Variants in TTC39B observed in about 807,000 individuals in gnomAD.
TTC39B encodes tetratricopeptide repeat domain 39B.
A neutral mutation model predicts 96.6 loss-of-function variants in TTC39B; 92 were observed. That is an observed-to-expected ratio of 0.95 (90% confidence interval 0.80 to 1.13). TTC39B has a LOEUF of 1.13. Among genes scored for constraint, TTC39B ranks in the 50% most tolerant of loss-of-function variants. The pLI, the probability that TTC39B is intolerant of heterozygous loss-of-function variation, is 0.00. For synonymous variants in TTC39B, 367 were observed against 299.4 expected (o/e 1.23, Z -2.33); for missense variants, 955 against 809.3 (o/e 1.18, Z -2.18).
intron 2 of TTC39B, among the ~76,000 whole-genome samples, chr9:15,261,122 A>T (rs941832475): frequency 6.6e-6 from 1 of 152,190 alleles, no homozygotes; most frequent in East Asian, 1.9e-4. Context: ...GTGCCCAACC[A>T]GGACTCCCGG....
At chr9:15,208,178 C>T (rs2131337703) in intron 6 of TTC39B, among the ~76,000 whole-genome samples, 1 of 151,512 alleles carries the variant, frequency 6.6e-6, no homozygotes. Context: ...GTGTGCGCCA[C>T]CATGCCTGGC....
chr9:15,232,334 G>GT (rs1821470967), intron 2 of TTC39B: 1 of 152,642 alleles, frequency 6.6e-6, no homozygotes, highest in African/African-American at 2.4e-5. Context: ...TAACGCTATA[G>GT]TTACACCCCT....
At chr9:15,210,292 G>A in intron 5 of TTC39B, 128 bp from the exon 6 acceptor site, 2 of 625,030 alleles carry the variant, frequency 3.2e-6, no homozygotes, top group Non-Finnish European at 5.6e-6. Context: ...TCTAAACCCT[G>A]AAGTCTATAG....
intron 1 of TTC39B, among the ~76,000 whole-genome samples, chr9:15,301,504 C>T (rs1824587587): frequency 6.6e-6 from 1 of 152,186 alleles, no homozygotes; most frequent in Non-Finnish European, 1.5e-5. Context: ...CCTATAATCC[C>T]AGCACTTTGG....
chr9:15,283,908 A>T (rs1823862045), intron 1 of TTC39B, among the ~76,000 whole-genome samples: 1 of 152,192 alleles, frequency 6.6e-6, no homozygotes. Flanking sequence ...AAATAATCTT[A>T]AAACAGGGAC....
At chr9:15,223,647 T>G (rs1278117120) in intron 3 of TTC39B, among the ~76,000 whole-genome samples, 2 of 152,220 alleles carry the variant, frequency 1.3e-5, no homozygotes, top group Admixed American at 1.3e-4. Flanking sequence ...CTTCACATTA[T>G]GTTTATTCTT....
In TTC39B at chr9:15,186,692, T is replaced by C. The variant is rs1818543524; in HGVS notation, c.1487+252A>G. On this transcript the variant is annotated intron_variant, in intron 15 of 19. Transcript: ENST00000512701. The stretch of plus-strand genomic sequence containing the variant: ...GTTGATGTTGATGCTACAGTTAATA[T>C]ACATGGTTTTTTTTTGGAGACAGAG... The C allele has an allele frequency of 2.6e-5, 9 of 343,706 alleles. No individual in the cohort carries two copies. The South Asian group carries it at 3.5e-4, about 13-fold the overall frequency. 21.3% of individuals were successfully genotyped at this position (343,706 alleles called of 1,614,324 possible). A position where few individuals can be genotyped will look rare whatever the true frequency, so the allele number is the denominator to read the frequency against.
intron 1 of TTC39B, among the ~76,000 whole-genome samples, chr9:15,302,637 A>T (rs1281147270): frequency 1.3e-5 from 2 of 149,412 alleles, no homozygotes; most frequent in African/African-American, 4.9e-5. Context: ...TGAGGTCAGG[A>T]GTTCGAGACC....
chr9:15,191,801 T>C (rs1818872442), intron 9 of TTC39B, among the ~76,000 whole-genome samples: 1 of 152,180 alleles, frequency 6.6e-6, no homozygotes, highest in African/African-American at 2.4e-5. Flanking sequence ...ATTCAGGGGA[T>C]GTAGACAATG....
At position 15,223,002 on chromosome 9, in the gene TTC39B, C is replaced by T. The variant is rs79151497; in HGVS notation, c.371+2915G>A. 5.1e-3 allele frequency among the ~76,000 whole-genome samples: 769 copies of T among 151,578 alleles called. 9 individuals carry two copies. The highest frequency in any genetic ancestry group is 0.018 in the African/African-American group (718 of 40,894). ...GGTGCAGAGTCTTTCCTCATTTTTC[C>T]AGGGACCTTAACACAGTTGTTTCAA... On this transcript the variant is annotated intron_variant, in intron 3 of 19. Coordinates refer to ENST00000512701, the Ensembl canonical transcript of TTC39B.
At chr9:15,271,922 G>A (rs372454762) in intron 1 of TTC39B, among the ~76,000 whole-genome samples, 5 of 152,110 alleles carry the variant, frequency 3.3e-5, no homozygotes, top group African/African-American at 4.8e-5. Context: ...ACTTGGACCC[G>A]GAGATGGCCA....
chr9:15,165,280 G>T (rs1263895053), exon 20 of TTC39B: 2 of 152,166 alleles, frequency 1.3e-5, no homozygotes, highest in African/African-American at 4.8e-5. Flanking sequence ...CCAGGAGGCA[G>T]AGGTTGTGGT....
At chr9:15,206,427 G>C (rs1396240748) in intron 6 of TTC39B, among the ~76,000 whole-genome samples, 1 of 152,182 alleles carries the variant, frequency 6.6e-6, no homozygotes, top group Non-Finnish European at 1.5e-5. Flanking sequence ...AAGTCTGTTT[G>C]GGTTGCAGTT....
chr9:15,189,410 T>C (rs996346736), intron 13 of TTC39B, among the ~76,000 whole-genome samples, 164 bp downstream of exon 13: 6 of 151,328 alleles, frequency 4.0e-5, no homozygotes, highest in South Asian at 2.1e-4. Context: ...ATAGAATGTA[T>C]ATACAAGTTA....
In TTC39B at chr9:15,187,966, T is replaced by C. The variant is rs1215003457; in HGVS notation, c.1395+5A>G. ...GATGACATTAATGAAAGTATTGCAC[T>C]TTACCTTGGACCATTTACTCTCTTT... On this transcript the variant is annotated splice_donor_5th_base_variant and intron_variant, in intron 14 of 19. Transcript: ENST00000512701. The C allele has an allele frequency of 1.3e-6, 2 of 1,567,540 alleles. No individual in the cohort carries two copies. The highest frequency in any genetic ancestry group is 3.9e-5 in the Admixed American group (2 of 51,630).
chr9:15,228,373 A>C (rs1476802614), intron 2 of TTC39B, among the ~76,000 whole-genome samples: 1 of 152,182 alleles, frequency 6.6e-6, no homozygotes, highest in Non-Finnish European at 1.5e-5. Flanking sequence ...CTGAGACAGG[A>C]GAATTGCTTG....
At chr9:15,285,625 C>T (rs1428173286) in intron 1 of TTC39B, among the ~76,000 whole-genome samples, 2 of 152,136 alleles carry the variant, frequency 1.3e-5, no homozygotes, top group Non-Finnish European at 2.9e-5. Context: ...GAGGCCGAGG[C>T]GGGCGGATCA....
chr9:15,201,761 G>A (rs866641255), intron 7 of TTC39B, among the ~76,000 whole-genome samples: 23 of 152,114 alleles, frequency 1.5e-4, no homozygotes, highest in African/African-American at 5.6e-4. Flanking sequence ...AAGGTGCGGG[G>A]GGCGGGTAGG....
chr9:15,206,845 A>AG (rs1239135407), intron 6 of TTC39B, among the ~76,000 whole-genome samples: 1 of 152,090 alleles, frequency 6.6e-6, no homozygotes, highest in Non-Finnish European at 1.5e-5. Flanking sequence ...TGATATGGTT[A>AG]GGCTTTGTGT....
Sources: gnomAD v4.1 joint callset for allele counts (sites outside exome capture counted in the v4.1 genomes callset) on GRCh38, gnomAD v4.1.1 for gene constraint, MANE v1.5 for transcripts, NCBI Gene and HGNC (gene_info 2026-07-23, HGNC 2026-07-21) for gene names.